The following CCSER1 variants were observed in gnomAD, a reference collection of about 807,000 sequenced individuals.
CCSER1 encodes the protein coiled-coil serine rich protein 1, also known as serine-rich coiled-coil domain-containing protein 1.
In CCSER1, 41 loss-of-function variants were observed where a neutral mutation model predicts 82.0. That is an observed-to-expected ratio of 0.50 (90% CI 0.39 to 0.65). The LOEUF (loss-of-function observed/expected upper bound fraction) is 0.65, where lower values mean the gene tolerates loss of function less well. CCSER1 is among the 30% of genes least tolerant of loss of function. The probability of loss-of-function intolerance (pLI) is 0.00; values close to 1 mark genes in which losing one functional copy is unlikely to be tolerated. For synonymous variants in CCSER1, 414 were observed against 383.9 expected, an observed-to-expected ratio of 1.08 and a Z score of -0.92; for missense variants, 1,119 against 1,064.2, an observed-to-expected ratio of 1.05 and a Z score of -0.72.
chr4:90,957,488 T>C (rs968178256), intron 9 of CCSER1, among the ~76,000 whole-genome samples: 1 of 133,732 alleles, frequency 7.5e-6, no homozygotes, highest in Non-Finnish European at 1.6e-5. Context: ...TATATTATAA[T>C]ATTATTATAT....
chr4:90,141,402 C>A (rs752168953), intron 1 of CCSER1, among the ~76,000 whole-genome samples: 1 of 152,150 alleles, frequency 6.6e-6, no homozygotes, highest in African/African-American at 2.4e-5. Context: ...TTAACTAAAA[C>A]AAGGGATGAA....
At chr4:90,198,694 A>G (rs1737063050) in intron 1 of CCSER1, among the ~76,000 whole-genome samples, 1 of 152,110 alleles carries the variant, frequency 6.6e-6, no homozygotes, top group Non-Finnish European at 1.5e-5. Flanking sequence ...ATTTCAAAAG[A>G]ACTATTTCAA....
chr4:90,516,102 C>T (rs994179826), intron 5 of CCSER1, among the ~76,000 whole-genome samples: 9 of 152,248 alleles, frequency 5.9e-5, no homozygotes, highest in East Asian at 1.9e-4. Flanking sequence ...TATTATAACA[C>T]GCCCTTCTTT....
intron 10 of CCSER1, among the ~76,000 whole-genome samples, chr4:91,168,559 C>G (rs1732412022): frequency 6.8e-6 from 1 of 147,622 alleles, no homozygotes; most frequent in Non-Finnish European, 1.5e-5. Context: ...GGCTGCCCAT[C>G]ATCTGGGAAT....
At chr4:91,025,700 C>A (rs1051420573) in intron 9 of CCSER1, among the ~76,000 whole-genome samples, 1 of 152,120 alleles carries the variant, frequency 6.6e-6, no homozygotes, top group African/African-American at 2.4e-5. Context: ...CTGCACTGAG[C>A]TAAGAAGGGA....
At chr4:91,266,621 C>G (rs899309990) in intron 10 of CCSER1, among the ~76,000 whole-genome samples, 2 of 152,082 alleles carry the variant, frequency 1.3e-5, no homozygotes, top group African/African-American at 4.8e-5. Flanking sequence ...GCAGAAGACA[C>G]TAACTCAAAG....
At chr4:91,489,431 A>G (rs1172112856) in intron 10 of CCSER1, among the ~76,000 whole-genome samples, 18 of 152,046 alleles carry the variant, frequency 1.2e-4, no homozygotes, top group Admixed American at 1.1e-3. Context: ...CTTATGCATT[A>G]TTTATGTAGT....
At chr4:90,987,525 T>C (rs566199051) in intron 9 of CCSER1, among the ~76,000 whole-genome samples, 11 of 151,800 alleles carry the variant, frequency 7.2e-5, no homozygotes, top group Admixed American at 1.3e-4. Context: ...TTTCAAATGT[T>C]GCCCAGTTTC....
chr4:91,571,332 T>C (rs1253594395), intron 10 of CCSER1, among the ~76,000 whole-genome samples: 4 of 152,224 alleles, frequency 2.6e-5, no homozygotes, highest in Admixed American at 1.3e-4. Flanking sequence ...CAATTTTTGG[T>C]ATCGTTATAG....
intron 7 of CCSER1, among the ~76,000 whole-genome samples, chr4:90,790,667 A>G (rs941493094): frequency 2.0e-5 from 3 of 152,150 alleles, no homozygotes; most frequent in Non-Finnish European, 2.9e-5. Context: ...TCTCATCTCC[A>G]TCTGAGACCA....
At chr4:90,385,782 A>G (rs1225000533) in intron 3 of CCSER1, among the ~76,000 whole-genome samples, 2 of 151,744 alleles carry the variant, frequency 1.3e-5, no homozygotes, top group East Asian at 1.9e-4. Context: ...CCATTTGTAT[A>G]TCTTCTTTTG....
At chr4:91,411,527 A>ATATATATAT (rs1560650607) in intron 10 of CCSER1, among the ~76,000 whole-genome samples, 3 of 46,032 alleles carry the variant, frequency 6.5e-5, no homozygotes, top group Non-Finnish European at 1.3e-4. Flanking sequence ...TATATATATA[A>ATATATATAT]AATCTTGACT....
intron 10 of CCSER1, among the ~76,000 whole-genome samples, chr4:91,138,035 C>CA (rs1581626852): frequency 2.4e-5 from 2 of 82,278 alleles, no homozygotes; most frequent in East Asian, 6.4e-4. Flanking sequence ...GATTCAGTGC[C>CA]ATCCCCATCA....
chr4:90,407,669 C>T (rs558900227), intron 4 of CCSER1, among the ~76,000 whole-genome samples: 8 of 152,072 alleles, frequency 5.3e-5, no homozygotes, highest in African/African-American at 7.2e-5. Context: ...CCAAGATGGC[C>T]GAATAGGAAC....
At chr4:90,162,348 T>C (rs919295323) in intron 1 of CCSER1, among the ~76,000 whole-genome samples, 1 of 152,094 alleles carries the variant, frequency 6.6e-6, no homozygotes, top group African/African-American at 2.4e-5. Flanking sequence ...TTAATAATTA[T>C]GATAGCAGAA....
At chr4:90,968,856 TAA>T (rs144783889) in intron 9 of CCSER1, among the ~76,000 whole-genome samples, 1 of 149,954 alleles carries the variant, frequency 6.7e-6, no homozygotes, top group East Asian at 2.0e-4. Context: ...ATGAAATATC[TAA>T]AAAAAAATCA....
At chr4:90,937,521 T>C (rs1731098347) in intron 9 of CCSER1, among the ~76,000 whole-genome samples, 1 of 125,234 alleles carries the variant, frequency 8.0e-6, no homozygotes. Flanking sequence ...ACACACTGAA[T>C]GGCTCAATAA....
intron 10 of CCSER1, among the ~76,000 whole-genome samples, chr4:91,532,224 T>C (rs1003307374): frequency 3.9e-5 from 6 of 152,180 alleles, no homozygotes; most frequent in African/African-American, 1.4e-4. Context: ...TATTGGTAGA[T>C]TATAAAATGA....
chr4:90,270,995 A>T (rs183715754), intron 1 of CCSER1, among the ~76,000 whole-genome samples: 11 of 152,296 alleles, frequency 7.2e-5, no homozygotes, highest in Admixed American at 5.9e-4. Context: ...GGATAAGGAC[A>T]CAAGAAAATG....
Sources: gnomAD v4.1 joint callset for allele counts (sites outside exome capture counted in the v4.1 genomes callset) on GRCh38, gnomAD v4.1.1 for gene constraint, MANE v1.5 for transcripts, NCBI Gene and HGNC (gene_info 2026-07-23, HGNC 2026-07-21) for gene names.